The following XPC variants were observed in gnomAD, a reference collection of about 807,000 sequenced individuals.
The protein encoded by XPC is DNA repair protein complementing XP-C cells.
In XPC, 76 loss-of-function variants were observed where a neutral mutation model predicts 95.8. The observed-to-expected ratio is 0.79, with a 90% confidence interval of 0.66 to 0.96. The LOEUF (loss-of-function observed/expected upper bound fraction) is 0.96. Among genes scored for constraint, XPC ranks in the 40% least tolerant of loss-of-function variants. XPC has a pLI of 0.00. For missense variants in XPC, 1,146 were observed against 1,179.8 expected, an observed-to-expected ratio of 0.97 and a Z score of 0.42; for synonymous variants, 442 against 442.1, an observed-to-expected ratio of 1.00 and a Z score of 0.00.
chr3:14,159,401 C>G (rs996439630), intron 8 of XPC, among the ~76,000 whole-genome samples: 1 of 152,166 alleles, frequency 6.6e-6, no homozygotes, highest in African/African-American at 2.4e-5. Context: ...CATTTAGCTT[C>G]TTGAAGCTAA....
At position 14,178,390 on chromosome 3, in the gene XPC, G is replaced by A. The variant is rs1022173296; in HGVS notation, c.103+76C>T. ...AACCTCCACCAGGCCTCCGCGTCTG[G>A]ACTCCCGCCCTGCCTCTGGGCCTCC... On this transcript the variant is annotated intron_variant, in intron 1 of 15. Coordinates refer to ENST00000285021, the MANE Select transcript of XPC (RefSeq NM_004628.5). 6 of 1,480,010 alleles carry A rather than the reference G, an allele frequency of 4.1e-6. No homozygotes were observed. In the African/African-American group the frequency reaches 8.6e-5, roughly 21 times the overall value. The allele number at this position is 1,480,010 out of a possible 1,614,324, so 91.7% of individuals were successfully genotyped here.
intron 2 of XPC, among the ~76,000 whole-genome samples, chr3:14,172,389 T>C (rs942218040): frequency 8.5e-5 from 13 of 152,102 alleles, no homozygotes; most frequent in Non-Finnish European, 1.8e-4. Context: ...GTTTCAGATC[T>C]GCATCTTCAA....
chr3:14,177,962 G>A (rs1054993184), intron 1 of XPC, among the ~76,000 whole-genome samples: 1 of 152,196 alleles, frequency 6.6e-6, no homozygotes, highest in Non-Finnish European at 1.5e-5. Context: ...AAAAACGGAG[G>A]AAAGCATAGA....
chr3:14,147,569 C>A, intron 14 of XPC, 190 bp from the exon 15 acceptor site: 1 of 636,116 alleles, frequency 1.6e-6, no homozygotes. Flanking sequence ...CTGAAAGCCA[C>A]AAAAACAGAT....
chr3:14,160,845 C>T (rs946817214), intron 7 of XPC, among the ~76,000 whole-genome samples: 1 of 152,226 alleles, frequency 6.6e-6, no homozygotes, highest in African/African-American at 2.4e-5. Flanking sequence ...TAAGTGTTCA[C>T]CACTAGCTGA....
intron 2 of XPC, among the ~76,000 whole-genome samples, chr3:14,171,827 G>A (rs1384694829): frequency 2.6e-5 from 4 of 152,194 alleles, no homozygotes; most frequent in South Asian, 2.1e-4. Context: ...CATTAAGGAC[G>A]GGACCGGGAT....
intron 9 of XPC, among the ~76,000 whole-genome samples, chr3:14,157,279 G>A (rs968842584): frequency 6.6e-6 from 1 of 152,144 alleles, no homozygotes; most frequent in Middle Eastern, 3.2e-3. Context: ...AATATGGGAT[G>A]CATTGCACTC....
At chr3:14,164,689 C>T (rs1222511763) in intron 7 of XPC, 124 bp downstream of exon 7, 7 of 987,356 alleles carry the variant, frequency 7.1e-6, no homozygotes, top group African/African-American at 1.7e-5. Flanking sequence ...CAGCTATCAA[C>T]GTCATTATGA....
chr3:14,154,961 C>T (rs557548923), intron 10 of XPC, among the ~76,000 whole-genome samples: 36 of 152,260 alleles, frequency 2.4e-4, no homozygotes, highest in Admixed American at 1.2e-3. Flanking sequence ...TGCCTCTGGA[C>T]GACGCCTGCA....
intron 1 of XPC, 35 bp downstream of exon 1, chr3:14,178,431 C>T: frequency 6.4e-7 from 1 of 1,570,916 alleles, no homozygotes; most frequent in Non-Finnish European, 8.6e-7. Flanking sequence ...CCACCGGCGG[C>T]GTCTCCCGCG....
Position 14,158,338 on chromosome 3 carries a change from G to A in XPC, c.1545C>T (p.Ser515=), listed in dbSNP as rs772664677. Residue 515 remains serine (S), a synonymous_variant, in exon 9 of 16, where the codon AGC becomes AGT. Transcript: ENST00000285021. This position sits in a 1 kb window ranked among gnomAD's most constrained non-coding sequence, Gnocchi z 5.2. ...TTCTTTTTTCTGCCTTCTCACCATC[G>A]CTGCACATTTTCTTGCCTCTTTTAC... ...SSSKRGKKMC[S]DGEKAEKRSI... 25 of 1,613,780 alleles carry A rather than the reference G, an allele frequency of 1.5e-5. No individual in the cohort carries two copies. Among genetic ancestry groups the A allele is most frequent in the East Asian group, 4.5e-5 (2 of 44,886 alleles).
chr3:14,177,062 C>T (rs1476402323), intron 1 of XPC, among the ~76,000 whole-genome samples: 5 of 151,850 alleles, frequency 3.3e-5, no homozygotes, highest in African/African-American at 9.7e-5. Context: ...CCAGCCTCAG[C>T]GACAGAGTGA....
rs1442643122 is a variant in XPC, at chr3:14,148,595, C to A, written c.2387G>T (p.Gly796Val). Residue 796 changes from glycine to valine, a missense_variant, in exon 13 of 16, where the codon GGC (glycine) becomes GTC (valine). Physicochemically the swap from Gly to Val is moderately radical, Grantham distance 109. Coordinates refer to ENST00000285021, the MANE Select transcript of XPC (RefSeq NM_004628.5). ...GGAGTAGCCGCCATGGAAATCAAAG[C>A]CAGTGATGGCCTGGACACAGTCGAT... ...LDIDCVQAIT[G>V]FDFHGGYSHP... 6.2e-7 allele frequency: 1 copy of A among 1,614,002 alleles called. No individual in the cohort carries two copies. Among genetic ancestry groups the A allele is most frequent in the Non-Finnish European group, 8.5e-7 (1 of 1,179,888 alleles).
chr3:14,159,800 G>C lies in XPC; in HGVS notation c.931C>G (p.Leu311Val). ...AGAGACAATACCAGCCGGGTCAAGA[G>C]CTGCAGAGCCCGGAGAATCAGTAAG... ...IFLLILRALQ[L>V]LTRLVLSLQP... Residue 311 changes from leucine (L) to valine (V), a missense_variant, in exon 8 of 16, where the codon CTC becomes GTC. Physicochemically the swap from Leu to Val is conservative, Grantham distance 32. Coordinates refer to ENST00000285021, the MANE Select transcript of XPC (RefSeq NM_004628.5). 2 of 1,560,484 alleles carry C rather than the reference G, an allele frequency of 1.3e-6. No individual in the cohort carries two copies. The highest frequency in any genetic ancestry group is 1.7e-6 in the Non-Finnish European group (2 of 1,151,922).
At chr3:14,156,712 G>C (rs989386563) in intron 9 of XPC, among the ~76,000 whole-genome samples, 1 of 152,196 alleles carries the variant, frequency 6.6e-6, no homozygotes, top group African/African-American at 2.4e-5. Flanking sequence ...TCTGTGGCTT[G>C]TGGCAACTTC....
intron 7 of XPC, among the ~76,000 whole-genome samples, chr3:14,163,219 A>T (rs924451602): frequency 1.3e-4 from 20 of 152,250 alleles, no homozygotes; most frequent in African/African-American, 4.8e-4. Context: ...TTACATATAG[A>T]ATATACATAT....
At chr3:14,177,103 T>A (rs369547246) in intron 1 of XPC, among the ~76,000 whole-genome samples, 1 of 52,000 alleles carries the variant, frequency 1.9e-5, no homozygotes, top group African/African-American at 6.2e-5. Flanking sequence ...AAAAAATAAA[T>A]AAAATATTTA....
At chr3:14,150,608 GCGAGGA>G (rs1695647985) in intron 11 of XPC, among the ~76,000 whole-genome samples, 2 of 152,206 alleles carry the variant, frequency 1.3e-5, no homozygotes, top group South Asian at 4.1e-4. Flanking sequence ...GAGGGATGGA[GCGAGGA>G]CAGTCTTTGC....
intron 1 of XPC, among the ~76,000 whole-genome samples, chr3:14,175,069 C>T (rs188430234): frequency 6.6e-6 from 1 of 152,124 alleles, no homozygotes; most frequent in African/African-American, 2.4e-5. Context: ...GAATAAAATT[C>T]CAACTCCTTA....
Sources: gnomAD v4.1 joint callset for allele counts (sites outside exome capture counted in the v4.1 genomes callset) on GRCh38, gnomAD v4.1.1 for gene constraint, Gnocchi (gnomAD v3.1) non-coding constraint, MANE v1.5 for transcripts, NCBI Gene and HGNC (gene_info 2026-07-23, HGNC 2026-07-21) for gene names.